STPG2: variants seen among roughly 807,000 people sequenced by gnomAD.
STPG2 encodes sperm tail PG-rich repeat containing 2, also known as sperm-tail PG-rich repeat-containing protein 2.
Under a neutral mutation model 54.2 loss-of-function variants are expected in STPG2, and 56 were observed. The ratio of observed to expected loss-of-function variants is 1.03; its 90% CI spans 0.83 to 1.29. The LOEUF (loss-of-function observed/expected upper bound fraction) is 1.29, where lower values mean the gene tolerates loss of function less well. STPG2 is among the 50% of genes most tolerant of loss of function. The pLI, the probability that STPG2 is intolerant of heterozygous loss-of-function variation, is 0.00. For synonymous variants in STPG2, 200 were observed against 181.8 expected (o/e 1.10, Z -0.81); for missense variants, 596 against 544.9 (o/e 1.09, Z -0.93).
intron 9 of STPG2, among the ~76,000 whole-genome samples, chr4:97,806,179 T>C (rs528849514): frequency 1.3e-5 from 2 of 152,328 alleles, no homozygotes; most frequent in Admixed American, 6.5e-5. Flanking sequence ...TGGAATACTA[T>C]GCAGCCATAA....
At chr4:97,768,053 G>C (rs906273626) in intron 9 of STPG2, among the ~76,000 whole-genome samples, 9 of 152,012 alleles carry the variant, frequency 5.9e-5, no homozygotes, top group Middle Eastern at 3.4e-3. Flanking sequence ...TGTAGTCCCA[G>C]TTACTCGGGA....
At chr4:97,960,069 T>C (rs1733830113) in intron 7 of STPG2, among the ~76,000 whole-genome samples, 1 of 152,120 alleles carries the variant, frequency 6.6e-6, no homozygotes, top group African/African-American at 2.4e-5. Flanking sequence ...TTGTGATACA[T>C]CACATAAACA....
At chr4:97,648,817 T>C (rs1440408921) in intron 10 of STPG2, among the ~76,000 whole-genome samples, 2 of 152,182 alleles carry the variant, frequency 1.3e-5, no homozygotes, top group Non-Finnish European at 2.9e-5. Context: ...TGTATTATTA[T>C]TGGTGATGTT....
chr4:97,560,716 G>A (rs1024923502), intron 10 of STPG2, among the ~76,000 whole-genome samples: 1 of 152,126 alleles, frequency 6.6e-6, no homozygotes, highest in Non-Finnish European at 1.5e-5. Context: ...CTGGTAGCAT[G>A]GAACATTTGT....
Position 97,914,643 on chromosome 4 carries a change from T to A in STPG2, c.1044+29254A>T, listed in dbSNP as rs12163918. Among the ~76,000 whole-genome samples, 50 of 151,992 alleles carry A rather than the reference T, an allele frequency of 3.3e-4. 1 individual carries two copies. The highest frequency in any genetic ancestry group is 1.2e-3 in the African/African-American group (48 of 41,462). The stretch of plus-strand genomic sequence containing the variant: ...ATTCTACAAGTTGCACACTGAGTAT[T>A]CTTTATCCAAAATTCTTGAGACCAG... On this transcript the variant is annotated intron_variant, in intron 8 of 10. Coordinates refer to ENST00000295268, the MANE Select transcript of STPG2 (RefSeq NM_174952.3).
At chr4:97,875,117 T>G (rs1163663436) in intron 8 of STPG2, among the ~76,000 whole-genome samples, 1 of 151,986 alleles carries the variant, frequency 6.6e-6, no homozygotes, top group Non-Finnish European at 1.5e-5. Flanking sequence ...CAGTTTTTGG[T>G]TAATAATAAT....
At chr4:98,058,294 G>T (rs976815732) in intron 5 of STPG2, among the ~76,000 whole-genome samples, 3 of 152,140 alleles carry the variant, frequency 2.0e-5, no homozygotes, top group African/African-American at 7.2e-5. Flanking sequence ...AGATCCATTG[G>T]TATGCTGTCT....
chr4:98,023,794 GCAAT>G (rs1368271765), intron 5 of STPG2, among the ~76,000 whole-genome samples: 1 of 152,222 alleles, frequency 6.6e-6, no homozygotes, highest in East Asian at 1.9e-4. Flanking sequence ...TGCTGTGCTA[GCAAT>G]CAGTGAGACT....
intron 4 of STPG2, among the ~76,000 whole-genome samples, chr4:97,453,216 G>T (rs1729423113): frequency 6.6e-6 from 1 of 152,228 alleles, no homozygotes; most frequent in Non-Finnish European, 1.5e-5. Context: ...GCCAGCAGGG[G>T]AAGCTGCTTG....
At chr4:97,719,931 G>T (rs1724398669) in intron 9 of STPG2, among the ~76,000 whole-genome samples, 1 of 151,962 alleles carries the variant, frequency 6.6e-6, no homozygotes, top group African/African-American at 2.4e-5. Flanking sequence ...TAGAGCAATT[G>T]TTACCTGGGA....
intron 4 of STPG2, among the ~76,000 whole-genome samples, chr4:97,548,106 C>T (rs775566734): frequency 1.3e-5 from 2 of 152,112 alleles, no homozygotes; most frequent in Non-Finnish European, 2.9e-5. Context: ...GCCAAGATCA[C>T]GCCATTGCAC....
chr4:97,729,924 G>A (rs1314723952), intron 9 of STPG2, among the ~76,000 whole-genome samples: 1 of 152,048 alleles, frequency 6.6e-6, no homozygotes, highest in East Asian at 1.9e-4. Context: ...ATTTTTGTAT[G>A]TATATTTTGT....
intron 4 of STPG2, among the ~76,000 whole-genome samples, chr4:97,512,057 A>G (rs1483057114): frequency 1.3e-5 from 2 of 152,086 alleles, no homozygotes; most frequent in African/African-American, 4.8e-5. Context: ...AAATTGTATA[A>G]GGAAAATGTA....
intron 9 of STPG2, among the ~76,000 whole-genome samples, chr4:97,798,653 T>C (rs1408889206): frequency 7.4e-6 from 1 of 135,272 alleles, no homozygotes; most frequent in Non-Finnish European, 1.6e-5. Context: ...GAAGAATGTA[T>C]ATTCTGTTGA....
At chr4:97,980,760 C>A (rs923536410) in intron 6 of STPG2, among the ~76,000 whole-genome samples, 1 of 152,004 alleles carries the variant, frequency 6.6e-6, no homozygotes, top group Non-Finnish European at 1.5e-5. Context: ...ACTAAAATAT[C>A]CACTGAGAAT....
intron 5 of STPG2, 87 bp from the exon 6 acceptor site, chr4:97,981,405 A>G: frequency 7.6e-7 from 1 of 1,318,040 alleles, no homozygotes; most frequent in East Asian, 2.4e-5. Flanking sequence ...TGAGTAATAT[A>G]ACATCTGGAG....
chr4:97,882,516 G>A (rs1730414871), intron 8 of STPG2, among the ~76,000 whole-genome samples: 1 of 152,140 alleles, frequency 6.6e-6, no homozygotes, highest in African/African-American at 2.4e-5. Context: ...GAAAGATCCA[G>A]CCAGATACCC....
chr4:97,574,869 T>C (rs1208044733), intron 10 of STPG2, among the ~76,000 whole-genome samples: 1 of 151,974 alleles, frequency 6.6e-6, no homozygotes, highest in African/African-American at 2.4e-5. Context: ...GTTTCCAATG[T>C]ATATGTAAAA....
intron 5 of STPG2, among the ~76,000 whole-genome samples, chr4:98,015,759 T>C (rs1420607673): frequency 6.6e-6 from 1 of 152,114 alleles, no homozygotes; most frequent in Admixed American, 6.6e-5. Context: ...CATGCACACA[T>C]ATGTTTATTG....
Sources: allele counts gnomAD v4.1 joint callset (sites outside exome capture counted in the v4.1 genomes callset), GRCh38; gene constraint gnomAD v4.1.1; transcripts MANE v1.5; gene names NCBI Gene and HGNC (gene_info 2026-07-23, HGNC 2026-07-21).